The following CDH11 variants were observed in gnomAD, a reference collection of about 807,000 sequenced individuals.
The protein encoded by CDH11 is cadherin 11.
A neutral mutation model predicts 67.8 loss-of-function variants in CDH11; 11 were observed. That is an observed-to-expected ratio of 0.16 (90% confidence interval 0.10 to 0.27). The LOEUF is 0.27. CDH11 is among the 10% of genes least tolerant of loss of function. The pLI, the probability that CDH11 is intolerant of heterozygous loss-of-function variation, is 1.00. For missense variants in CDH11, 847 were observed against 1,031.2 expected (o/e 0.82, Z 2.45); for synonymous variants, 419 against 400.0 (o/e 1.05, Z -0.57).
intron 8 of CDH11, among the ~76,000 whole-genome samples, chr16:64,973,481 G>A (rs1380943321): frequency 6.6e-6 from 1 of 152,150 alleles, no homozygotes; most frequent in Non-Finnish European, 1.5e-5. Context: ...TCAAGATCAT[G>A]TATAGACCTA....
At chr16:64,999,442 A>C (rs2072859747) in intron 3 of CDH11, among the ~76,000 whole-genome samples, 1 of 152,204 alleles carries the variant, frequency 6.6e-6, no homozygotes, top group Non-Finnish European at 1.5e-5. Context: ...TTCCTCTAAC[A>C]ATAAATTCAG....
At chr16:64,968,314 C>T (rs1474647827) in intron 11 of CDH11, 1 of 510,586 alleles carries the variant, frequency 2.0e-6, no homozygotes, top group Non-Finnish European at 2.5e-6. Context: ...TTAAGAGCTA[C>T]ATAGAGGAGA....
intron 1 of CDH11, among the ~76,000 whole-genome samples, chr16:65,088,297 C>G (rs563227129): frequency 7.2e-5 from 11 of 152,236 alleles, no homozygotes; most frequent in African/African-American, 2.6e-4. Context: ...ATTTCCCACT[C>G]TAAGGTATTT....
intron 2 of CDH11, among the ~76,000 whole-genome samples, chr16:65,023,039 T>C (rs971708684): frequency 2.6e-5 from 4 of 152,024 alleles, no homozygotes; most frequent in African/African-American, 9.7e-5. Flanking sequence ...CATTTGGGCA[T>C]TGAGAGAAAA....
At chr16:64,999,884 A>C (rs1352819447) in intron 3 of CDH11, among the ~76,000 whole-genome samples, 1 of 152,140 alleles carries the variant, frequency 6.6e-6, no homozygotes, top group Non-Finnish European at 1.5e-5. Context: ...TCTAAAGAAC[A>C]CTTAGCTTGT....
chr16:65,075,244 G>T lies in CDH11; in HGVS notation c.-297-21316C>A, dbSNP rs79821463. On this transcript the variant is annotated intron_variant, in intron 1 of 12. Transcript: ENST00000268603. The stretch of plus-strand genomic sequence containing the variant: ...GCCTTTAATTGTCACCATGCTGGGG[G>T]ACAGAATGTCAGACAAGCTTCTTGT... 5.4e-3 allele frequency among the ~76,000 whole-genome samples: 820 copies of T among 152,316 alleles called. 10 individuals carry two copies. The highest frequency in any genetic ancestry group is 0.019 in the African/African-American group (777 of 41,564).
chr16:65,043,365 C>G (rs976255261), intron 2 of CDH11, among the ~76,000 whole-genome samples: 6 of 151,618 alleles, frequency 4.0e-5, no homozygotes, highest in Admixed American at 1.3e-4. Context: ...TAGGGGGTAC[C>G]CTTTGGAATA....
intron 1 of CDH11, among the ~76,000 whole-genome samples, chr16:65,073,550 G>A (rs1231595133): frequency 6.6e-6 from 1 of 152,178 alleles, no homozygotes; most frequent in East Asian, 1.9e-4. Flanking sequence ...TCGAAGTGCT[G>A]GGATGTTATA....
At chr16:64,978,532 A>G (rs2072242621) in intron 8 of CDH11, among the ~76,000 whole-genome samples, 1 of 152,242 alleles carries the variant, frequency 6.6e-6, no homozygotes, top group African/African-American at 2.4e-5. Context: ...ATTTCAAAAC[A>G]TAGTACAAAG....
At chr16:65,010,515 A>T (rs751247456) in intron 2 of CDH11, among the ~76,000 whole-genome samples, 2 of 152,144 alleles carry the variant, frequency 1.3e-5, no homozygotes, top group Non-Finnish European at 2.9e-5. Flanking sequence ...AGCAAGGCAT[A>T]AGCTTGGGGT....
chr16:64,971,854 T>C, intron 10 of CDH11, 77 bp downstream of exon 10: 1 of 1,531,796 alleles, frequency 6.5e-7, no homozygotes, highest in South Asian at 1.1e-5. Flanking sequence ...GGTTGGTATC[T>C]CCAAGTGATG....
intron 11 of CDH11, among the ~76,000 whole-genome samples, chr16:64,954,536 A>T (rs958312890): frequency 6.6e-6 from 1 of 152,120 alleles, no homozygotes; most frequent in African/African-American, 2.4e-5. Flanking sequence ...GGCTCAGGGG[A>T]TCCTTCTACC....
chr16:64,958,062 G>T (rs1420168575), intron 11 of CDH11, among the ~76,000 whole-genome samples: 1 of 152,262 alleles, frequency 6.6e-6, no homozygotes, highest in East Asian at 1.9e-4. Flanking sequence ...TTACTGCATA[G>T]TTTGTACATT....
intron 1 of CDH11, among the ~76,000 whole-genome samples, chr16:65,088,177 G>A (rs1250417382): frequency 6.6e-6 from 1 of 152,102 alleles, no homozygotes; most frequent in African/African-American, 2.4e-5. Context: ...GACACAGAAG[G>A]TGCCGTCTAT....
intron 7 of CDH11, chr16:64,984,919 AAAAG>A (rs1411390933): frequency 1.3e-5 from 2 of 152,218 alleles, no homozygotes; most frequent in Non-Finnish European, 2.9e-5. Flanking sequence ...ATCAAACATA[AAAAG>A]AGTTTTATTA....
intron 4 of CDH11, among the ~76,000 whole-genome samples, chr16:64,996,170 T>C (rs1423457172): frequency 1.3e-5 from 2 of 152,002 alleles, no homozygotes; most frequent in African/African-American, 4.8e-5. Flanking sequence ...TGAAAAGCAA[T>C]TTGGAGAAGT....
In CDH11 at chr16:64,993,066, C is replaced by T. The variant is rs190397059; in HGVS notation, c.524-32G>A. On this transcript the variant is annotated intron_variant, in intron 4 of 12. Coordinates refer to ENST00000268603, the MANE Select transcript of CDH11 (RefSeq NM_001797.4). ...AGTGAAATAAATTAATTAGCAACAT[C>T]TCCTCAGATTTTCAAATTATGTTCT... is the stretch of plus-strand genomic sequence containing the variant. 32 of 1,577,268 alleles carry T rather than the reference C, an allele frequency of 2.0e-5. No homozygotes were observed. In the African/African-American group the frequency reaches 4.0e-4, roughly 20 times the overall value.
At chr16:65,017,736 T>C (rs960505368) in intron 2 of CDH11, among the ~76,000 whole-genome samples, 2 of 152,150 alleles carry the variant, frequency 1.3e-5, no homozygotes, top group Non-Finnish European at 2.9e-5. Flanking sequence ...ACTAGATCTG[T>C]ATGTTACCTA....
chr16:64,983,730 T>C (rs1374060370), intron 7 of CDH11, among the ~76,000 whole-genome samples: 3 of 152,198 alleles, frequency 2.0e-5, no homozygotes, highest in Non-Finnish European at 4.4e-5. Context: ...GCAGTTCCTT[T>C]ATCCTTGGCT....
Sources: gnomAD v4.1 joint callset for allele counts (sites outside exome capture counted in the v4.1 genomes callset) on GRCh38, gnomAD v4.1.1 for gene constraint, MANE v1.5 for transcripts, NCBI Gene and HGNC (gene_info 2026-07-23, HGNC 2026-07-21) for gene names.